Variants in KLHL1 observed in about 807,000 individuals in gnomAD.
KLHL1 encodes kelch-like protein 1.
Under a neutral mutation model 77.7 loss-of-function variants are expected in KLHL1, and 47 were observed. The ratio of observed to expected loss-of-function variants is 0.60; its 90% CI spans 0.48 to 0.77. The LOEUF is 0.77. Among genes scored for constraint, KLHL1 ranks in the 30% least tolerant of loss-of-function variants. The pLI is 0.00. For missense variants in KLHL1, 925 were observed against 910.8 expected (o/e 1.02, Z -0.20); for synonymous variants, 360 against 325.2 (o/e 1.11, Z -1.15).
chr13:69,703,735 CACAA>C lies in KLHL1; in HGVS notation c.2188-1978_2188-1975del, dbSNP rs1313137967. ...TTACTATGTTTAGATATGTTCGATACACAAACAAACACCATTCTGTTGCAATTAC... is the reference window on the plus strand; with the variant it reads ...TTACTATGTTTAGATATGTTCGATACACAAACACCATTCTGTTGCAATTAC... On this transcript the variant is annotated intron_variant, in intron 10 of 10. Coordinates refer to ENST00000377844, the MANE Select transcript of KLHL1 (RefSeq NM_020866.3). Among the ~76,000 whole-genome samples the C allele has an allele frequency of 2.6e-5, 4 of 151,612 alleles. 1 individual carries two copies. The South Asian group carries it at 8.3e-4, about 31-fold the overall frequency.
At chr13:69,733,129 C>T (rs970688594) in intron 8 of KLHL1, among the ~76,000 whole-genome samples, 1 of 151,904 alleles carries the variant, frequency 6.6e-6, no homozygotes, top group Non-Finnish European at 1.5e-5. Context: ...TGATAAATGA[C>T]TGTTCTGATT....
At chr13:69,847,392 A>G (rs960694226) in intron 5 of KLHL1, among the ~76,000 whole-genome samples, 1 of 138,368 alleles carries the variant, frequency 7.2e-6, no homozygotes, top group Non-Finnish European at 1.6e-5. Context: ...AGTTAGAGTA[A>G]TACTGCATTA....
chr13:69,793,197 G>A (rs1010427950), intron 7 of KLHL1, among the ~76,000 whole-genome samples: 2 of 151,924 alleles, frequency 1.3e-5, no homozygotes, highest in Non-Finnish European at 2.9e-5. Context: ...TTGTAGTAAT[G>A]TCTTATTCAA....
intron 6 of KLHL1, among the ~76,000 whole-genome samples, chr13:69,835,497 C>T (rs189676441): frequency 6.6e-6 from 1 of 152,092 alleles, no homozygotes; most frequent in Admixed American, 6.6e-5. Context: ...GGCGGGAGAA[C>T]AAGGAACCAG....
At chr13:69,941,534 G>T (rs1401168011) in intron 3 of KLHL1, among the ~76,000 whole-genome samples, 2 of 151,838 alleles carry the variant, frequency 1.3e-5, no homozygotes, top group African/African-American at 2.4e-5. Context: ...AGAATCTAGG[G>T]TCACACCTCA....
At chr13:70,105,750 C>T (rs1482654522) in intron 1 of KLHL1, among the ~76,000 whole-genome samples, 1 of 150,888 alleles carries the variant, frequency 6.6e-6, no homozygotes, top group Non-Finnish European at 1.5e-5. Flanking sequence ...CTTTTAATAA[C>T]ATTTTATAAC....
At chr13:70,013,611 T>C (rs986369315) in intron 1 of KLHL1, among the ~76,000 whole-genome samples, 6 of 151,480 alleles carry the variant, frequency 4.0e-5, no homozygotes, top group Admixed American at 3.3e-4. Context: ...TTTTTCTGAG[T>C]TGGTGAACAA....
chr13:70,082,491 A>C (rs1210252828), intron 1 of KLHL1, among the ~76,000 whole-genome samples: 1 of 152,124 alleles, frequency 6.6e-6, no homozygotes, highest in Non-Finnish European at 1.5e-5. Flanking sequence ...ACACACTCCA[A>C]ATTTTTTTCA....
intron 1 of KLHL1, among the ~76,000 whole-genome samples, chr13:70,087,083 A>G (rs1455159075): frequency 1.3e-5 from 2 of 152,112 alleles, no homozygotes; most frequent in African/African-American, 4.8e-5. Context: ...GTCCAGTGAG[A>G]GTGGCTTGCA....
intron 4 of KLHL1, chr13:69,895,085 C>A: frequency 2.1e-6 from 1 of 468,844 alleles, no homozygotes. Context: ...TCGGATCTTG[C>A]TTTCTTCTTC....
chr13:69,892,760 G>C (rs572750998), intron 4 of KLHL1, among the ~76,000 whole-genome samples: 3 of 152,274 alleles, frequency 2.0e-5, no homozygotes, highest in East Asian at 3.9e-4. Context: ...GGGATAAAAA[G>C]TATGTGTAGA....
At chr13:69,834,244 A>G (rs186082777) in intron 6 of KLHL1, among the ~76,000 whole-genome samples, 2 of 152,180 alleles carry the variant, frequency 1.3e-5, no homozygotes, top group East Asian at 1.9e-4. Context: ...TTGAAATTAA[A>G]TAAATAAGTA....
At chr13:69,816,834 T>C (rs990242575) in intron 6 of KLHL1, among the ~76,000 whole-genome samples, 37 of 152,100 alleles carry the variant, frequency 2.4e-4, no homozygotes, top group African/African-American at 8.4e-4. Flanking sequence ...GGCACATGCC[T>C]GCAGTCCCAG....
intron 1 of KLHL1, among the ~76,000 whole-genome samples, chr13:70,091,934 T>C (rs953080523): frequency 3.3e-5 from 5 of 152,160 alleles, no homozygotes; most frequent in Non-Finnish European, 7.3e-5. Context: ...AGAAGAATCC[T>C]CTTATCTTCT....
At chr13:69,945,889 T>G (rs987900835) in intron 3 of KLHL1, among the ~76,000 whole-genome samples, 1 of 152,186 alleles carries the variant, frequency 6.6e-6, no homozygotes, top group Non-Finnish European at 1.5e-5. Context: ...GCAGAAAATT[T>G]ATTTTGCAAT....
intron 5 of KLHL1, among the ~76,000 whole-genome samples, chr13:69,859,395 A>C (rs953849370): frequency 6.6e-6 from 1 of 151,700 alleles, no homozygotes; most frequent in Admixed American, 6.6e-5. Flanking sequence ...GGGTGAGAGG[A>C]GAGGGAAGAA....
At chr13:69,703,001 T>G (rs1410980645) in intron 10 of KLHL1, among the ~76,000 whole-genome samples, 1 of 151,748 alleles carries the variant, frequency 6.6e-6, no homozygotes, top group Admixed American at 6.6e-5. Flanking sequence ...AACCTAAGTT[T>G]ACCTGACTCC....
chr13:69,996,218 G>A (rs957617748), intron 1 of KLHL1, among the ~76,000 whole-genome samples: 2 of 151,928 alleles, frequency 1.3e-5, no homozygotes, highest in South Asian at 2.1e-4. Context: ...CAGGAGAATC[G>A]CTTGAACCAG....
intron 7 of KLHL1, among the ~76,000 whole-genome samples, chr13:69,773,396 G>A (rs1875672175): frequency 6.6e-6 from 1 of 151,996 alleles, no homozygotes; most frequent in Non-Finnish European, 1.5e-5. Flanking sequence ...CTATGTCCCA[G>A]TTAGAAGAGA....
Sources: allele counts gnomAD v4.1 joint callset (sites outside exome capture counted in the v4.1 genomes callset), GRCh38; gene constraint gnomAD v4.1.1; transcripts MANE v1.5; gene names NCBI Gene and HGNC (gene_info 2026-07-23, HGNC 2026-07-21).